ESPL1: variants seen among roughly 807,000 people sequenced by gnomAD.
ESPL1 encodes extra spindle pole bodies like 1, separase.
In ESPL1, 50 loss-of-function variants were observed where a neutral mutation model predicts 217.2. That is an observed-to-expected ratio of 0.23 (90% confidence interval 0.18 to 0.29). The LOEUF is 0.29. ESPL1 is among the 10% of genes least tolerant of loss of function. The probability of loss-of-function intolerance (pLI) is 1.00; values close to 1 mark genes in which losing one functional copy is unlikely to be tolerated. For missense variants in ESPL1, 1,834 were observed against 2,603.0 expected (o/e 0.70, Z 6.43); for synonymous variants, 994 against 1,081.3 (o/e 0.92, Z 1.58).
chr12:53,280,778 GA>G (rs1018701238), intron 12 of ESPL1, among the ~76,000 whole-genome samples: 5 of 151,958 alleles, frequency 3.3e-5, no homozygotes, highest in African/African-American at 4.8e-5. Context: ...CAGATCACCT[GA>G]GGTCAGGAGT....
At position 53,283,553 on chromosome 12, in the gene ESPL1, A is replaced by AG. The variant is rs1943898795; in HGVS notation, c.3077+16dup. ...ATACCACGCCAGTAAGTACAGGGCC[A>AG]GAGGATATGGCAATGATGGCACCAA... On this transcript the variant is annotated intron_variant, in intron 16 of 30. Coordinates refer to ENST00000257934, the MANE Select transcript of ESPL1 (RefSeq NM_012291.5). 1 of 1,610,464 alleles carries AG rather than the reference A, an allele frequency of 6.2e-7. No homozygotes were observed. Among genetic ancestry groups the AG allele is most frequent in the Admixed American group, 1.7e-5 (1 of 59,114 alleles).
Position 53,293,609 on chromosome 12 carries a change from C to A in ESPL1, c.*135C>A. ...TATGAAACATTTCCTTTTGATTTAA[C>A]CTCAGTATAATAAAGATACATCATT... On this transcript the variant is annotated 3_prime_UTR_variant, in exon 31 of 31. Coordinates refer to ENST00000257934, the MANE Select transcript of ESPL1 (RefSeq NM_012291.5). The surrounding 1 kb of genome is among the most constrained non-coding windows in gnomAD (Gnocchi z 4.2). 1 of 674,518 alleles carries A rather than the reference C, an allele frequency of 1.5e-6. No individual in the cohort carries two copies. Among genetic ancestry groups the A allele is most frequent in the Non-Finnish European group, 2.5e-6 (1 of 395,540 alleles). The allele number at this position is 674,518 out of a possible 1,614,324, so 41.8% of individuals were successfully genotyped here.
Position 53,276,771 on chromosome 12 carries a change from A to G in ESPL1, c.1852A>G (p.Thr618Ala), listed in dbSNP as rs758968472. The G allele has an allele frequency of 2.9e-5, 47 of 1,613,744 alleles. No individual in the cohort carries two copies. Among genetic ancestry groups the G allele is most frequent in the Non-Finnish European group, 3.8e-5 (45 of 1,180,026 alleles). The change falls in exon 8 of 31, where the codon ACA (threonine) becomes GCA (alanine). Residue 618 changes from threonine to alanine, a missense_variant. By Grantham distance (58) the Thr-to-Ala change is moderately conservative (BLOSUM62 0). Transcript: ENST00000257934. ...CCTCCTGGAGCTGAGCCCCGAGGAG[A>G]CACCAGCCGGGGCCTGGGCACGAGC... is the stretch of plus-strand genomic sequence containing the variant. ...CDLLELSPEE[T>A]PAGAWARATH...
In ESPL1 at chr12:53,269,563, C is replaced by T. The variant is rs762879377; in HGVS notation, c.621C>T (p.Ala207=). ...TAGCTGCCCATCAGCTATTTGATGC[C>T]AGTGGCCATGGTCTAAATGAAGCAG... is the stretch of plus-strand genomic sequence containing the variant. ...RAVAAHQLFD[A]SGHGLNEADA... The change falls in exon 3 of 31, where the codon GCC becomes GCT. Residue 207 remains alanine (A), a synonymous_variant. Transcript: ENST00000257934. This position sits in a 1 kb window ranked among gnomAD's most constrained non-coding sequence, Gnocchi z 6.7. 2 of 1,614,234 alleles carry T rather than the reference C, an allele frequency of 1.2e-6. No homozygotes were observed. Among genetic ancestry groups the T allele is most frequent in the Admixed American group, 1.7e-5 (1 of 60,018 alleles).
rs1944070042 is a variant in ESPL1, at chr12:53,292,052, C to T, written c.5760C>T (p.Ser1920=). 1.2e-6 allele frequency: 2 copies of T among 1,614,134 alleles called. No individual in the cohort carries two copies. The highest frequency in any genetic ancestry group is 1.1e-5 in the South Asian group (1 of 91,078). The change falls in exon 27 of 31, where the codon TCC becomes TCT. Residue 1920 remains serine (S), a synonymous_variant. Transcript: ENST00000257934. This position sits in a 1 kb window ranked among gnomAD's most constrained non-coding sequence, Gnocchi z 4.5. The part of the protein sequence containing the change: ...LQALPVTRLP[S]FRFLLSYSII... ...CACTGCCTGTCACCCGGCTGCCCTC[C>T]TTCCGCTTCCTACTCAGCTACTCCA...
Position 53,269,642 on chromosome 12 carries a change from G to A in ESPL1, c.700G>A (p.Gly234Ser). 6.2e-7 allele frequency: 1 copy of A among 1,614,196 alleles called. No homozygotes were observed. The highest frequency in any genetic ancestry group is 8.5e-7 in the Non-Finnish European group (1 of 1,180,040). ...CAGGCACGTGATCAGAGCCTTGGTG[G>A]GTGAGAGAGGGAGCTCTTCTGGGCT... Reference protein sequence around the residue: ...LSRHVIRALVGERGSSSGLLS... With the variant: ...LSRHVIRALVSERGSSSGLLS... The change falls in exon 3 of 31, where the codon GGT (glycine) becomes AGT (serine). Residue 234 changes from glycine to serine, a missense_variant. Transcript: ENST00000257934. The surrounding 1 kb of genome is among the most constrained non-coding windows in gnomAD (Gnocchi z 6.7).
intron 11 of ESPL1, 62 bp from the exon 12 acceptor site, chr12:53,279,670 C>T (rs890698560): frequency 6.2e-7 from 1 of 1,606,058 alleles, no homozygotes; most frequent in Non-Finnish European, 8.5e-7. Flanking sequence ...GGCTGGGGAG[C>T]AGAGGGTAGA....
At position 53,284,165 on chromosome 12, in the gene ESPL1, C is replaced by T. The variant is rs201164932; in HGVS notation, c.3185C>T (p.Thr1062Ile). The T allele has an allele frequency of 6.3e-7, 1 of 1,590,006 alleles. No homozygotes were observed. The highest frequency in any genetic ancestry group is 8.6e-7 in the Non-Finnish European group (1 of 1,157,808). The change falls in exon 17 of 31, where the codon ACA becomes ATA. Residue 1062 changes from threonine (T) to isoleucine (I), a missense_variant and splice_region_variant. Around this residue, in one of 5 missense-constraint regions of ESPL1, gnomAD observed 681 missense variants for 808.0 expected, o/e 0.84. Transcript: ENST00000257934. ...QQVLFLLESC[T>I]EFGGVTQHLD... ...GTTCTGTTCTTGCTTGAGTCTTGCACAGGTGAGCAGCCATGTCCCCATGAC... is the reference window on the plus strand; with the variant it reads ...GTTCTGTTCTTGCTTGAGTCTTGCATAGGTGAGCAGCCATGTCCCCATGAC...
rs1944080221 is a variant in ESPL1, at chr12:53,292,492, T to C, written c.5913-82T>C. On this transcript the variant is annotated intron_variant, in intron 28 of 30. Transcript: ENST00000257934. This position sits in a 1 kb window ranked among gnomAD's most constrained non-coding sequence, Gnocchi z 4.5. ...GAAACAGCTGTTGCAGCCCACCTTCTATCTAATGATCCCTCTGCTGTCTTT... is the reference window on the plus strand; with the variant it reads ...GAAACAGCTGTTGCAGCCCACCTTCCATCTAATGATCCCTCTGCTGTCTTT... 1 of 1,390,994 alleles carries C rather than the reference T, an allele frequency of 7.2e-7. No homozygotes were observed. Among genetic ancestry groups the C allele is most frequent in the African/African-American group, 1.4e-5 (1 of 70,742 alleles). 86.2% of individuals were successfully genotyped at this position (1,390,994 alleles called of 1,614,324 possible). A position where few individuals can be genotyped will look rare whatever the true frequency, so the allele number is the denominator to read the frequency against.
chr12:53,278,098 C>T, intron 11 of ESPL1, 138 bp downstream of exon 11: 1 of 920,218 alleles, frequency 1.1e-6, no homozygotes, highest in Non-Finnish European at 1.7e-6. Flanking sequence ...TATCACCAGT[C>T]TTATTTTAAA....
At chr12:53,283,008 T>C in intron 14 of ESPL1, 121 bp from the exon 15 acceptor site, 1 of 1,295,590 alleles carries the variant, frequency 7.7e-7, no homozygotes, top group Non-Finnish European at 1.1e-6. Flanking sequence ...GTTATGAGAT[T>C]GATTAGCTCT....
Position 53,293,484 on chromosome 12 carries a change from G to C in ESPL1, c.*10G>C. On this transcript the variant is annotated 3_prime_UTR_variant, in exon 31 of 31. Transcript: ENST00000257934. This position sits in a 1 kb window ranked among gnomAD's most constrained non-coding sequence, Gnocchi z 4.2. ...TGTCTCTCTGCGGTAACCCCATGGA[G>C]CTGTCTTATTGATGCTAGAAGCCTC... The C allele has an allele frequency of 6.2e-7, 1 of 1,605,906 alleles. No individual in the cohort carries two copies. Among genetic ancestry groups the C allele is most frequent in the South Asian group, 1.1e-5 (1 of 90,918 alleles).
At chr12:53,290,061 GTC>G in intron 22 of ESPL1, 22 bp from the exon 23 acceptor site, 1 of 1,608,340 alleles carries the variant, frequency 6.2e-7, no homozygotes. Flanking sequence ...AGCTGAATGA[GTC>G]TGGCTGTATC....
chr12:53,273,033 ATTTTTTT>A (rs1287601708), intron 6 of ESPL1, among the ~76,000 whole-genome samples, 176 bp downstream of exon 6: 4 of 122,928 alleles, frequency 3.3e-5, no homozygotes, highest in African/African-American at 1.3e-4. Context: ...CTGTTGACTC[ATTTTTTT>A]TTTTTTTTTT....
chr12:53,292,419 G>T lies in ESPL1; in HGVS notation c.5912+26G>T, dbSNP rs774691470. On this transcript the variant is annotated intron_variant, in intron 28 of 30. Transcript: ENST00000257934. The surrounding 1 kb of genome is among the most constrained non-coding windows in gnomAD (Gnocchi z 4.5). Reference sequence around the variant, plus strand: ...GTCAGGGGCGCGAAGACAAGAAGACGTGTGGGGAAGGGTAGACAACATACA... The same window carrying T: ...GTCAGGGGCGCGAAGACAAGAAGACTTGTGGGGAAGGGTAGACAACATACA... The T allele has an allele frequency of 4.2e-5, 64 of 1,539,062 alleles. No individual in the cohort carries two copies. Among genetic ancestry groups the T allele is most frequent in the Non-Finnish European group, 5.7e-5 (63 of 1,111,686 alleles).
rs1394992906 is a variant in ESPL1 at position 53,286,408 on chromosome 12, T to G, written c.3672T>G (p.Ala1224=). The change falls in exon 18 of 31, where the codon GCT becomes GCG. Residue 1224 remains alanine (A), a synonymous_variant. Transcript: ENST00000257934. This position sits in a 1 kb window ranked among gnomAD's most constrained non-coding sequence, Gnocchi z 5.3. ...LVPSLLDEIL[A]QAYTLLALEG... ...CAAGCCTCTTGGATGAGATCTTGGC[T>G]CAAGCATACACACTGTTGGCACTGG... The G allele has an allele frequency of 1.9e-6, 3 of 1,614,030 alleles. No homozygotes were observed. The East Asian group carries it at 6.7e-5, about 36-fold the overall frequency.
In ESPL1 at chr12:53,288,060, C is replaced by T. The variant is rs781413357; in HGVS notation, c.4265C>T (p.Ser1422Phe). 1 of 1,613,670 alleles carries T rather than the reference C, an allele frequency of 6.2e-7. No individual in the cohort carries two copies. Among genetic ancestry groups the T allele is most frequent in the Non-Finnish European group, 8.5e-7 (1 of 1,180,030 alleles). ...AEEPKRRGTA[S>F]RGRGRARKGL... Reference sequence around the variant, plus strand: ...GAGCCTAAGAGACGGGGCACTGCTTCCCGGGGCCGGGGGCGAGCAAGGAAG... The same window carrying T: ...GAGCCTAAGAGACGGGGCACTGCTTTCCGGGGCCGGGGGCGAGCAAGGAAG... Residue 1422 changes from serine to phenylalanine, a missense_variant, in exon 19 of 31, where the codon TCC (serine) becomes TTC (phenylalanine). By Grantham distance (155) the Ser-to-Phe change is radical. Coordinates refer to ENST00000257934, the MANE Select transcript of ESPL1 (RefSeq NM_012291.5).
At position 53,282,705 on chromosome 12, in the gene ESPL1, G is replaced by A. The variant is rs570449774; in HGVS notation, c.2791+270G>A. On this transcript the variant is annotated intron_variant, in intron 14 of 30. Coordinates refer to ENST00000257934, the MANE Select transcript of ESPL1 (RefSeq NM_012291.5). The surrounding 1 kb of genome is among the most constrained non-coding windows in gnomAD (Gnocchi z 4.0). ...TTTCGCTGTTGTCACCCAGGCTGGAGTGCAATGGTGCAATCTCAGCTCACT... is the reference window on the plus strand; with the variant it reads ...TTTCGCTGTTGTCACCCAGGCTGGAATGCAATGGTGCAATCTCAGCTCACT... Among the ~76,000 whole-genome samples, 436 of 152,304 alleles carry A rather than the reference G, an allele frequency of 2.9e-3. 1 individual carries two copies. The highest frequency in any genetic ancestry group is 4.6e-3 in the Non-Finnish European group (312 of 68,028).
At chr12:53,281,163 A>C (rs1592487307) in intron 12 of ESPL1, among the ~76,000 whole-genome samples, 1 of 110,984 alleles carries the variant, frequency 9.0e-6, no homozygotes, top group Admixed American at 1.2e-4. Context: ...TTTGAGACGG[A>C]GTCTCACTCT....
Sources: gnomAD v4.1 joint callset for allele counts (sites outside exome capture counted in the v4.1 genomes callset) on GRCh38, gnomAD v4.1.1 for gene constraint, gnomAD v4.1.1 regional missense constraint, Gnocchi (gnomAD v3.1) non-coding constraint, MANE v1.5 for transcripts, NCBI Gene and HGNC (gene_info 2026-07-23, HGNC 2026-07-21) for gene names.